NAV1: variants seen among roughly 807,000 people sequenced by gnomAD.
NAV1 encodes pore membrane and/or filament interacting like protein 3.
NAV1 carries 18 observed loss-of-function variants against 175.2 expected under a neutral mutation model. That is an observed-to-expected ratio of 0.10 (90% confidence interval 0.07 to 0.15). The LOEUF is 0.15. NAV1 is among the 10% of genes least tolerant of loss of function. The probability of loss-of-function intolerance (pLI) is 1.00; values close to 1 mark genes in which losing one functional copy is unlikely to be tolerated. For synonymous variants in NAV1, 897 were observed against 978.7 expected (o/e 0.92, Z 1.56); for missense variants, 1,731 against 2,436.6 (o/e 0.71, Z 6.10).
chr1:201,563,431 A>G (rs888708802), intron 1 of NAV1, among the ~76,000 whole-genome samples: 2 of 151,936 alleles, frequency 1.3e-5, no homozygotes, highest in African/African-American at 2.4e-5. Context: ...ATACGAGACC[A>G]CAATCCCCAA....
upstream of NAV1, among the ~76,000 whole-genome samples, chr1:201,644,648 T>C (rs1668915536): frequency 6.6e-6 from 1 of 152,250 alleles, no homozygotes; most frequent in South Asian, 2.1e-4. Flanking sequence ...TCTTCCATTT[T>C]ATAAACTGAC....
chr1:201,694,882 G>A lies in NAV1; in HGVS notation c.758-17935G>A, dbSNP rs889507693. Among the ~76,000 whole-genome samples, 2 of 152,186 alleles carry A rather than the reference G, an allele frequency of 1.3e-5. No individual in the cohort carries two copies. The highest frequency in any genetic ancestry group is 4.8e-5 in the African/African-American group (2 of 41,444). On this transcript the variant is annotated intron_variant, in intron 1 of 29. Transcript: ENST00000367296. The surrounding 1 kb of genome is among the most constrained non-coding windows in gnomAD (Gnocchi z 4.2). ...CTTCAGCTGCCAAACGAACCAAGAA[G>A]CTGCCTCACAGGATTACTGAAAGGC...
In NAV1 at chr1:201,712,811, T is replaced by C; in HGVS notation, c.758-6T>C. 6.2e-7 allele frequency: 1 copy of C among 1,606,130 alleles called. No homozygotes were observed. Among genetic ancestry groups the C allele is most frequent in the South Asian group, 1.1e-5 (1 of 90,874 alleles). The stretch of plus-strand genomic sequence containing the variant: ...CTCACCCAGCTCTTCCTTCTCTCCC[T>C]ACCAGACCCAGAGTCCCAGAGAAAG... On this transcript the variant is annotated splice_polypyrimidine_tract_variant and splice_region_variant and intron_variant, in intron 1 of 29. Transcript: ENST00000367296.
At chr1:201,785,396 G>A (rs1427615559) in intron 8 of NAV1, 45 bp downstream of exon 12, 19 of 1,571,716 alleles carry the variant, frequency 1.2e-5, no homozygotes, top group Non-Finnish European at 1.6e-5. Flanking sequence ...TGGGACTGCT[G>A]GTATGTATGA....
rs902971897 is a variant in NAV1 at position 201,808,973 on chromosome 1, G to A, written c.4207+102G>A. The A allele has an allele frequency of 4.6e-5, 66 of 1,437,834 alleles. No individual in the cohort carries two copies. Among genetic ancestry groups the A allele is most frequent in the African/African-American group, 7.1e-5 (5 of 70,500 alleles). 89.1% of individuals were successfully genotyped at this position (1,437,834 alleles called of 1,614,324 possible). A position where few individuals can be genotyped will look rare whatever the true frequency, so the allele number is the denominator to read the frequency against. On this transcript the variant is annotated intron_variant, in intron 20 of 29. Coordinates refer to ENST00000367296, the Ensembl canonical transcript of NAV1. This position sits in a 1 kb window ranked among gnomAD's most constrained non-coding sequence, Gnocchi z 5.5. ...CTTTGGTCAGGGCGGTAACAATGCCGAAGCCAAGCAGATGCCAGTGTCCTA... is the reference window on the plus strand; with the variant it reads ...CTTTGGTCAGGGCGGTAACAATGCCAAAGCCAAGCAGATGCCAGTGTCCTA...
rs551867740 is a variant in NAV1, at chr1:201,812,903, A to G, written c.5222-237A>G. Among the ~76,000 whole-genome samples the G allele has an allele frequency of 1.1e-3, 165 of 152,332 alleles. 1 individual carries two copies. The highest frequency in any genetic ancestry group is 3.8e-3 in the African/African-American group (156 of 41,574). ...ACAATTAACAGAAAAAAGGAGGCAC[A>G]TATGTAGGAAGGAATTAAACAGCTT... On this transcript the variant is annotated intron_variant, in intron 27 of 29. Transcript: ENST00000367296. This position sits in a 1 kb window ranked among gnomAD's most constrained non-coding sequence, Gnocchi z 4.6.
chr1:201,701,009 C>CAAAAAAAAAAAAA (rs386369321), intron 1 of NAV1, among the ~76,000 whole-genome samples: 9 of 52,746 alleles, frequency 1.7e-4, no homozygotes, highest in African/African-American at 4.4e-4. Flanking sequence ...GACTCTGTCT[C>CAAAAAAAAAAAAA]AAAAAAAAAA....
chr1:201,670,715 T>C (rs1289575614), intron 1 of NAV1, among the ~76,000 whole-genome samples: 1 of 152,036 alleles, frequency 6.6e-6, no homozygotes, highest in Non-Finnish European at 1.5e-5. Flanking sequence ...GTCTCGGTAA[T>C]GCTGGTAGAG....
intron 3 of NAV1, among the ~76,000 whole-genome samples, chr1:201,742,162 AG>A (rs1673464648): frequency 6.6e-6 from 1 of 152,186 alleles, no homozygotes; most frequent in Non-Finnish European, 1.5e-5. Context: ...CAATTCACAG[AG>A]GGGGAGCTTA....
chr1:201,607,743 C>T (rs1293866863), intron 2 of NAV1, among the ~76,000 whole-genome samples: 4 of 152,286 alleles, frequency 2.6e-5, no homozygotes, highest in African/African-American at 7.2e-5. Flanking sequence ...CCACCCACCT[C>T]GGCCTCCCAA....
chr1:201,637,938 A>C (rs1480548208), intron 2 of NAV1, among the ~76,000 whole-genome samples: 1 of 152,248 alleles, frequency 6.6e-6, no homozygotes, highest in Non-Finnish European at 1.5e-5. Context: ...ATACAGGAAA[A>C]GCACATGTGG....
chr1:201,638,958 G>A (rs1468470832), intron 2 of NAV1, among the ~76,000 whole-genome samples: 3 of 152,200 alleles, frequency 2.0e-5, no homozygotes, highest in Non-Finnish European at 4.4e-5. Context: ...ATATAAGTAG[G>A]CAGAATGTGG....
intron 3 of NAV1, among the ~76,000 whole-genome samples, chr1:201,734,605 A>G (rs1005584359): frequency 6.6e-6 from 1 of 152,152 alleles, no homozygotes; most frequent in African/African-American, 2.4e-5. Context: ...GATCCAAATT[A>G]GCAACGGAGA....
intron 3 of NAV1, among the ~76,000 whole-genome samples, chr1:201,727,247 A>G (rs1413150287): frequency 6.6e-6 from 1 of 152,208 alleles, no homozygotes; most frequent in Non-Finnish European, 1.5e-5. Context: ...TCACAGACAC[A>G]TTCTAGATGA....
intron 1 of NAV1, among the ~76,000 whole-genome samples, chr1:201,668,665 T>C (rs1468547793): frequency 6.6e-6 from 1 of 152,026 alleles, no homozygotes; most frequent in Admixed American, 6.5e-5. Context: ...GGTTGGAGCA[T>C]GGAAGGGTGA....
chr1:201,808,856 A>G lies in NAV1; in HGVS notation c.4192A>G (p.Ser1398Gly). The change falls in exon 20 of 30, where the codon AGT (serine) becomes GGT (glycine). Residue 1398 changes from serine to glycine, a missense_variant. Around this residue, in one of 13 missense-constraint regions of NAV1, gnomAD observed 122 missense variants for 139.4 expected, o/e 0.88. Coordinates refer to ENST00000367296, the Ensembl canonical transcript of NAV1. This position sits in a 1 kb window ranked among gnomAD's most constrained non-coding sequence, Gnocchi z 5.5. The stretch of plus-strand genomic sequence containing the variant: ...GGCACTCACCCATTCCTTCGGCCCC[A>G]GTCTTGCAGACACAGGTACCTGTGT... 1 of 1,612,118 alleles carries G rather than the reference A, an allele frequency of 6.2e-7. No homozygotes were observed. Among genetic ancestry groups the G allele is most frequent in the Non-Finnish European group, 8.5e-7 (1 of 1,178,850 alleles).
intron 7 of NAV1, 113 bp from the exon 12 acceptor site, chr1:201,785,197 T>C: frequency 9.6e-7 from 1 of 1,039,000 alleles, no homozygotes; most frequent in Non-Finnish European, 1.4e-6. Flanking sequence ...TAGTTTGATG[T>C]CCTGCGTCTA....
chr1:201,709,740 C>T (rs1671819777), intron 1 of NAV1, among the ~76,000 whole-genome samples: 2 of 152,210 alleles, frequency 1.3e-5, no homozygotes, highest in Admixed American at 1.3e-4. Flanking sequence ...AGACCAGATC[C>T]TGGTCACCCC....
intron 2 of NAV1, among the ~76,000 whole-genome samples, chr1:201,637,337 A>G (rs1668640576): frequency 6.6e-6 from 1 of 152,216 alleles, no homozygotes; most frequent in Non-Finnish European, 1.5e-5. Context: ...TTTGACTGAT[A>G]TTACAATATA....
Sources: allele counts gnomAD v4.1 joint callset (sites outside exome capture counted in the v4.1 genomes callset), GRCh38; gene constraint gnomAD v4.1.1; regional missense constraint gnomAD v4.1.1; non-coding constraint Gnocchi (gnomAD v3.1); transcripts MANE v1.5; gene names NCBI Gene and HGNC (gene_info 2026-07-23, HGNC 2026-07-21).